NAA11: variants seen among roughly 807,000 people sequenced by gnomAD.
The protein encoded by NAA11 is N-alpha-acetyltransferase 11.
NAA11 carries 15 observed loss-of-function variants against 16.1 expected under a neutral mutation model. The observed-to-expected ratio is 0.93, with a 90% CI of 0.62 to 1.44. The LOEUF (loss-of-function observed/expected upper bound fraction) is 1.44. NAA11 is among the 40% of genes most tolerant of loss of function. NAA11 has a pLI of 0.00. For missense variants in NAA11, 298 were observed against 291.3 expected (o/e 1.02, Z -0.17); for synonymous variants, 122 against 112.4 (o/e 1.09, Z -0.54).
At chr4:79,298,555 G>A (rs72664041) in intron 1 of NAA11, among the ~76,000 whole-genome samples, 1 of 152,230 alleles carries the variant, frequency 6.6e-6, no homozygotes. Flanking sequence ...TAGCCTTGCA[G>A]AGAGCCAGCC....
chr4:79,264,490 A>G (rs897971699), intron 2 of NAA11, among the ~76,000 whole-genome samples: 19 of 152,276 alleles, frequency 1.2e-4, no homozygotes, highest in African/African-American at 2.9e-4. Context: ...AGAGTTGTCT[A>G]TTCTCACTGT....
intron 2 of NAA11, among the ~76,000 whole-genome samples, chr4:79,285,722 C>T (rs910070557): frequency 6.6e-5 from 10 of 151,936 alleles, no homozygotes; most frequent in African/African-American, 1.9e-4. Flanking sequence ...ATCAAATTTA[C>T]GGTGCCCAAG....
Position 79,322,174 on chromosome 4 carries a change from T to C in NAA11, c.*12+3002A>G, listed in dbSNP as rs573393389. 5.9e-5 allele frequency among the ~76,000 whole-genome samples: 9 copies of C among 152,302 alleles called. No homozygotes were observed. In the South Asian group the frequency reaches 1.7e-3, roughly 28 times the overall value. On this transcript the variant is annotated intron_variant, in intron 1 of 1. Coordinates refer to ENST00000286794, the MANE Select transcript of NAA11 (RefSeq NM_032693.3). ...TACCAAAATGGTAAGAGACCTCCGG[T>C]TGGAAAAGACCCAGAAGTGAATCCT...
At chr4:79,273,015 G>A (rs1052229158) in intron 2 of NAA11, among the ~76,000 whole-genome samples, 6 of 151,844 alleles carry the variant, frequency 4.0e-5, no homozygotes, top group Non-Finnish European at 8.8e-5. Flanking sequence ...ATGGCATTTG[G>A]CTTCCCTCAA....
At chr4:79,304,754 T>G (rs1723516500) in intron 1 of NAA11, among the ~76,000 whole-genome samples, 1 of 152,094 alleles carries the variant, frequency 6.6e-6, no homozygotes. Flanking sequence ...ATGAAACACT[T>G]GAATCTAGGT....
the NAA11 span, among the ~76,000 whole-genome samples, chr4:79,157,684 A>C: frequency 5.3e-5 from 8 of 151,966 alleles, no homozygotes; most frequent in Non-Finnish European, 5.9e-5. Context: ...AGCTAATAAA[A>C]GCCAGCTATG....
chr4:79,178,677 A>T, the NAA11 span, among the ~76,000 whole-genome samples: 3 of 152,330 alleles, frequency 2.0e-5, no homozygotes, highest in Non-Finnish European at 2.9e-5. Context: ...ACACACATAC[A>T]TGCACAAATG....
At chr4:79,289,972 G>C (rs770254766) in intron 2 of NAA11, among the ~76,000 whole-genome samples, 8 of 151,954 alleles carry the variant, frequency 5.3e-5, no homozygotes, top group Non-Finnish European at 1.0e-4. Flanking sequence ...GGCTCTTTGG[G>C]GTAGAAAGCG....
chr4:79,199,635 T>C, the NAA11 span, among the ~76,000 whole-genome samples: 3 of 151,854 alleles, frequency 2.0e-5, no homozygotes, highest in Admixed American at 6.6e-5. Flanking sequence ...GCACAACTTG[T>C]TTGCAATTAC....
chr4:79,208,181 T>G, the NAA11 span, among the ~76,000 whole-genome samples: 1 of 152,140 alleles, frequency 6.6e-6, no homozygotes, highest in South Asian at 2.1e-4. Flanking sequence ...TGGAATAAGG[T>G]GGCCTGGTTT....
downstream of NAA11, among the ~76,000 whole-genome samples, chr4:79,314,241 C>T (rs1723864909): frequency 6.6e-6 from 1 of 152,162 alleles, no homozygotes; most frequent in South Asian, 2.1e-4. Flanking sequence ...TACCATCTCA[C>T]CCTTTCCCAT....
the NAA11 span, among the ~76,000 whole-genome samples, chr4:79,160,866 G>T: frequency 3.3e-5 from 5 of 151,658 alleles, no homozygotes; most frequent in Non-Finnish European, 7.4e-5. Context: ...TTATTTACAT[G>T]AAAATTTAAG....
At chr4:79,210,458 CCTT>C in the NAA11 span, among the ~76,000 whole-genome samples, 2 of 152,066 alleles carry the variant, frequency 1.3e-5, no homozygotes, top group Non-Finnish European at 2.9e-5. Context: ...CTCCAGGAGA[CCTT>C]CTGGATGTGT....
intron 2 of NAA11, among the ~76,000 whole-genome samples, chr4:79,287,908 G>A (rs1210443896): frequency 3.3e-5 from 5 of 151,968 alleles, no homozygotes; most frequent in Admixed American, 3.3e-4. Flanking sequence ...TTCCATCTTT[G>A]GTTGACATTG....
intron 2 of NAA11, among the ~76,000 whole-genome samples, chr4:79,240,000 C>T (rs1276407754): frequency 6.6e-6 from 1 of 152,144 alleles, no homozygotes; most frequent in Non-Finnish European, 1.5e-5. Flanking sequence ...CTGCTAACAA[C>T]TCCTGAGAGT....
the NAA11 span, among the ~76,000 whole-genome samples, chr4:79,189,762 C>T: frequency 2.0e-3 from 300 of 152,304 alleles, 6 homozygotes; most frequent in East Asian, 0.048. Context: ...GGGTTTGTTT[C>T]TAAGGATCCC....
intron 2 of NAA11, among the ~76,000 whole-genome samples, chr4:79,264,862 T>C (rs1245152986): frequency 6.6e-6 from 1 of 152,212 alleles, no homozygotes; most frequent in Admixed American, 6.5e-5. Flanking sequence ...TGACTATCTC[T>C]ATTCTACTGA....
chr4:79,161,805 C>G, the NAA11 span, among the ~76,000 whole-genome samples: 1 of 152,066 alleles, frequency 6.6e-6, no homozygotes, highest in Non-Finnish European at 1.5e-5. Context: ...GCCTCAGACT[C>G]CTGAGTAGCT....
chr4:79,242,675 C>T (rs1721724194), intron 2 of NAA11, among the ~76,000 whole-genome samples: 1 of 152,158 alleles, frequency 6.6e-6, no homozygotes, highest in African/African-American at 2.4e-5. Flanking sequence ...TAATACACTA[C>T]TTATCTATGA....
Sources: allele counts gnomAD v4.1 joint callset (sites outside exome capture counted in the v4.1 genomes callset), GRCh38; gene constraint gnomAD v4.1.1; transcripts MANE v1.5; gene names NCBI Gene and HGNC (gene_info 2026-07-23, HGNC 2026-07-21).